COQ4: variants seen among roughly 807,000 people sequenced by gnomAD.
The protein encoded by COQ4 is ubiquinone biosynthesis protein COQ4 homolog, mitochondrial.
COQ4 carries 36 observed loss-of-function variants against 30.2 expected under a neutral mutation model. The observed-to-expected ratio is 1.19, with a 90% CI of 0.91 to 1.57. The LOEUF is 1.57. COQ4 is among the 40% of genes most tolerant of loss of function. The probability of loss-of-function intolerance (pLI) is 0.00; values close to 1 mark genes in which losing one functional copy is unlikely to be tolerated. For synonymous variants in COQ4, 197 were observed against 161.0 expected, an observed-to-expected ratio of 1.22 and a Z score of -1.69; for missense variants, 369 against 371.9, an observed-to-expected ratio of 0.99 and a Z score of 0.07.
rs137978286 is a variant in COQ4 at position 128,323,928 on chromosome 9, G to C, written c.202+781G>C. 1.7e-3 allele frequency among the ~76,000 whole-genome samples: 253 copies of C among 152,304 alleles called. 2 individuals carry two copies. The highest frequency in any genetic ancestry group is 5.9e-3 in the African/African-American group (245 of 41,570). The stretch of plus-strand genomic sequence containing the variant: ...CCATTGCACTCCAGCCTGGGCGACA[G>C]AGCGAGACCCTGTCTTAAACAAAAA... On this transcript the variant is annotated intron_variant, in intron 2 of 6. Coordinates refer to ENST00000300452, the MANE Select transcript of COQ4 (RefSeq NM_016035.5).
At chr9:128,326,197 CAG>C (rs1832317922) in intron 4 of COQ4, 7 of 529,438 alleles carry the variant, frequency 1.3e-5, no homozygotes, top group Non-Finnish European at 2.0e-5. Context: ...GATAAGGAAA[CAG>C]AGGCTCAGAG....
At position 128,332,850 on chromosome 9, in the gene COQ4, G is replaced by A. The variant is rs754865584; in HGVS notation, c.533G>A (p.Gly178Glu). The change falls in exon 6 of 7, where the codon GGG becomes GAG. Residue 178 changes from glycine to glutamate, a missense_variant and splice_region_variant. Gly to Glu is a moderately conservative substitution (Grantham distance 98). Coordinates refer to ENST00000300452, the MANE Select transcript of COQ4 (RefSeq NM_016035.5). ...TLLGMPTNIL[G>E]EIVVKWFEAV... ...CTCCCAACACATCCCTCACCCACAG[G>A]GGAGATCGTGGTGAAATGGTTTGAG... 1.9e-6 allele frequency: 3 copies of A among 1,612,760 alleles called. No homozygotes were observed. The highest frequency in any genetic ancestry group is 4.5e-5 in the East Asian group (2 of 44,878).
chr9:128,327,932 A>G (rs1260945696), intron 4 of COQ4, among the ~76,000 whole-genome samples: 2 of 152,248 alleles, frequency 1.3e-5, no homozygotes, highest in Non-Finnish European at 2.9e-5. Context: ...GTGATAGAAG[A>G]CAGCTTTGGT....
intron 2 of COQ4, chr9:128,323,403 T>C (rs573296755): frequency 1.3e-5 from 7 of 550,550 alleles, no homozygotes; most frequent in Middle Eastern, 4.6e-4. Context: ...TGCAGCCATA[T>C]TGAGAACATC....
At chr9:128,331,660 CA>C (rs11347988) in intron 4 of COQ4, 25,157 of 152,490 alleles carry the variant, frequency 0.16, 4,336 homozygotes, top group African/African-American at 0.44. Context: ...CCTCCTGTCC[CA>C]AGCCTCCTGA....
chr9:128,331,878 C>A (rs1832412653), intron 4 of COQ4: 1 of 283,420 alleles, frequency 3.5e-6, no homozygotes, highest in South Asian at 4.3e-5. Context: ...CAGGTGTGCA[C>A]CACCACACCC....
chr9:128,332,360 C>T lies in COQ4; in HGVS notation c.532+78C>T, dbSNP rs532338898. On this transcript the variant is annotated intron_variant, in intron 5 of 6. Coordinates refer to ENST00000300452, the MANE Select transcript of COQ4 (RefSeq NM_016035.5). ...GGGCAGGGCTTGCCTATCTCCACCACCCTCTGCATCACCTGGCTTGGTGCC... is the reference window on the plus strand; with the variant it reads ...GGGCAGGGCTTGCCTATCTCCACCATCCTCTGCATCACCTGGCTTGGTGCC... 1,422 of 1,494,692 alleles carry T rather than the reference C, an allele frequency of 9.5e-4. 2 individuals carry two copies. Among genetic ancestry groups the T allele is most frequent in the Non-Finnish European group, 7.0e-4 (763 of 1,093,102 alleles). 92.6% of individuals were successfully genotyped at this position (1,494,692 alleles called of 1,614,324 possible).
In COQ4 at chr9:128,332,948, G is replaced by T. The variant is rs1344532069; in HGVS notation, c.626+5G>T. On this transcript the variant is annotated splice_donor_5th_base_variant and intron_variant, in intron 6 of 6. Transcript: ENST00000300452. ...ACCGATCCGACTTGGCGCTCAGTAAGTTTTCAAGTGGTAGCTGGGTCGGGG... is the reference window on the plus strand; with the variant it reads ...ACCGATCCGACTTGGCGCTCAGTAATTTTTCAAGTGGTAGCTGGGTCGGGG... 1.9e-6 allele frequency: 3 copies of T among 1,611,302 alleles called. No individual in the cohort carries two copies. Among genetic ancestry groups the T allele is most frequent in the South Asian group, 1.1e-5 (1 of 91,030 alleles).
In COQ4 at chr9:128,322,887, G is replaced by C. The variant is rs746608515; in HGVS notation, c.29G>C (p.Arg10Pro). 7 of 1,588,794 alleles carry C rather than the reference G, an allele frequency of 4.4e-6. No homozygotes were observed. In the Admixed American group the frequency reaches 1.2e-4, roughly 28 times the overall value. ...GCGACTCTGCTGCGCCCTGTCCTCC[G>C]TCGGCTCTGCGGGCTCCCGGGCCTA... The part of the protein sequence containing the change: MATLLRPVL[R>P]RLCGLPGLQR... Residue 10 changes from arginine to proline, a missense_variant, in exon 1 of 7, where the codon CGT becomes CCT. Transcript: ENST00000300452.
chr9:128,325,749 C>A (rs758803466), intron 3 of COQ4, 30 bp from the exon 4 acceptor site: 3 of 1,577,766 alleles, frequency 1.9e-6, no homozygotes, highest in South Asian at 1.1e-5. Flanking sequence ...TTTGCCCACA[C>A]CCTCCCAATG....
At position 128,323,111 on chromosome 9, in the gene COQ4, T is replaced by C; in HGVS notation, c.166T>C (p.Ser56Pro). 1 of 1,610,672 alleles carries C rather than the reference T, an allele frequency of 6.2e-7. No individual in the cohort carries two copies. Among genetic ancestry groups the C allele is most frequent in the Non-Finnish European group, 8.5e-7 (1 of 1,179,530 alleles). ...GCAGAAAGGGCTGTTGGCCGCCGGC[T>C]CCGCGGCGATGGCGCTCTATAACCC... ...PLQKGLLAAG[S>P]AAMALYNPYR... Residue 56 changes from serine (S) to proline (P), a missense_variant, in exon 2 of 7, where the codon TCC becomes CCC. Ser to Pro is a moderately conservative substitution (Grantham distance 74, BLOSUM62 -1). Coordinates refer to ENST00000300452, the MANE Select transcript of COQ4 (RefSeq NM_016035.5).
chr9:128,333,250 G>A (rs1832444379), intron 6 of COQ4, among the ~76,000 whole-genome samples: 1 of 152,156 alleles, frequency 6.6e-6, no homozygotes, highest in African/African-American at 2.4e-5. Flanking sequence ...TCTGGAGTGA[G>A]GGAGCCATGA....
chr9:128,330,315 G>T (rs1159681118), intron 4 of COQ4: 1 of 151,580 alleles, frequency 6.6e-6, no homozygotes, highest in Non-Finnish European at 1.5e-5. Flanking sequence ...GGAGATTGCA[G>T]TAAGCCGAGA....
chr9:128,332,078 G>T (rs973665604), intron 4 of COQ4, 75 bp from the exon 5 acceptor site: 1 of 1,490,872 alleles, frequency 6.7e-7, no homozygotes, highest in East Asian at 2.5e-5. Context: ...AGTTGTGACG[G>T]TGTCAGAGAC....
Position 128,333,571 on chromosome 9 carries a change from G to A in COQ4, c.724G>A (p.Glu242Lys), listed in dbSNP as rs1293050474. The change falls in exon 7 of 7, where the codon GAG becomes AAG. Residue 242 changes from glutamate (E) to lysine (K), a missense_variant. Coordinates refer to ENST00000300452, the MANE Select transcript of COQ4 (RefSeq NM_016035.5). ...CAACCTGTACTATGAGCGGCGCTGGGAGCAGTCCCTGAGGGCTCTGCGGGA... is the reference window on the plus strand; with the variant it reads ...CAACCTGTACTATGAGCGGCGCTGGAAGCAGTCCCTGAGGGCTCTGCGGGA... Reference protein sequence around the residue: ...VLNLYYERRWEQSLRALREEL... With the variant: ...VLNLYYERRWKQSLRALREEL... 16 of 1,610,130 alleles carry A rather than the reference G, an allele frequency of 9.9e-6. No individual in the cohort carries two copies. Among genetic ancestry groups the A allele is most frequent in the Non-Finnish European group, 1.0e-5 (12 of 1,178,500 alleles).
In COQ4 at chr9:128,333,730, CTCT is replaced by C; in HGVS notation, c.*90_*92del. ...AGGGCTCCCTTGACTACCTTTGTTC[CTCT>C]TCTTTGAACACTGACCCTTGGACAA... is the stretch of plus-strand genomic sequence containing the variant. On this transcript the variant is annotated 3_prime_UTR_variant, in exon 7 of 7. Coordinates refer to ENST00000300452, the MANE Select transcript of COQ4 (RefSeq NM_016035.5). The C allele has an allele frequency of 8.2e-7, 1 of 1,215,074 alleles. No homozygotes were observed. Among genetic ancestry groups the C allele is most frequent in the Non-Finnish European group, 1.1e-6 (1 of 904,638 alleles). 75.3% of individuals were successfully genotyped at this position (1,215,074 alleles called of 1,614,324 possible).
intron 4 of COQ4, 156 bp from the exon 5 acceptor site, chr9:128,331,997 G>A: frequency 1.3e-6 from 1 of 794,938 alleles, no homozygotes; most frequent in South Asian, 1.9e-5. Context: ...CCAAAGTGCT[G>A]GGATTTACAG....
At chr9:128,326,873 C>T (rs537541380) in intron 4 of COQ4, among the ~76,000 whole-genome samples, 1 of 152,146 alleles carries the variant, frequency 6.6e-6, no homozygotes, top group Non-Finnish European at 1.5e-5. Flanking sequence ...CTCAACCCCC[C>T]ACGTAGCTGG....
intron 4 of COQ4, 121 bp downstream of exon 4, chr9:128,326,002 G>A (rs1249953279): frequency 3.5e-6 from 3 of 865,046 alleles, no homozygotes; most frequent in East Asian, 5.3e-5. Context: ...TGCTCTTCAG[G>A]CTCATGCCAA....
Sources: allele counts gnomAD v4.1 joint callset (sites outside exome capture counted in the v4.1 genomes callset), GRCh38; gene constraint gnomAD v4.1.1; transcripts MANE v1.5; gene names NCBI Gene and HGNC (gene_info 2026-07-23, HGNC 2026-07-21).